The following KCNN2 variants were observed in gnomAD, a reference collection of about 807,000 sequenced individuals.
KCNN2 encodes potassium calcium-activated channel subfamily N member 2.
A neutral mutation model predicts 55.5 loss-of-function variants in KCNN2; 24 were observed. The observed-to-expected ratio is 0.43, with a 90% CI of 0.31 to 0.61. The LOEUF (loss-of-function observed/expected upper bound fraction) is 0.61, where lower values mean the gene tolerates loss of function less well. KCNN2 is among the 20% of genes least tolerant of loss of function. The pLI, the probability that KCNN2 is intolerant of heterozygous loss-of-function variation, is 0.08. For synonymous variants in KCNN2, 431 were observed against 336.1 expected, an observed-to-expected ratio of 1.28 and a Z score of -3.09; for missense variants, 754 against 853.6, an observed-to-expected ratio of 0.88 and a Z score of 1.45.
Position 114,362,895 on chromosome 5 carries a change from C to G in KCNN2, c.756C>G (p.Val252=), listed in dbSNP as rs755351182. The part of the protein sequence containing the change: ...EAQPLQPPAS[V]GGGGGASSPS... ...AGCCCCTGCAGCCCCCCGCGTCTGT[C>G]GGAGGAGGTGGCGGCGCGTCCTCCC... The change falls in exon 1 of 8, where the codon GTC becomes GTG. Residue 252 remains valine (V), a synonymous_variant. Transcript: ENST00000673685. 10 of 1,596,238 alleles carry G rather than the reference C, an allele frequency of 6.3e-6. No homozygotes were observed. Among genetic ancestry groups the G allele is most frequent in the East Asian group, 4.5e-5 (2 of 44,456 alleles).
At chr5:114,472,516 T>C (rs2150124136) in intron 4 of KCNN2, among the ~76,000 whole-genome samples, 1 of 151,038 alleles carries the variant, frequency 6.6e-6, no homozygotes, top group South Asian at 2.1e-4. Context: ...CACTGTGATC[T>C]TCCTGTTACG....
intron 2 of KCNN2, among the ~76,000 whole-genome samples, chr5:114,374,844 C>T (rs1295704221): frequency 1.3e-5 from 2 of 152,096 alleles, no homozygotes; most frequent in African/African-American, 4.8e-5. Flanking sequence ...ATATTCTGGG[C>T]ATTTTTGCCT....
At chr5:114,374,205 C>G (rs780690148) in intron 2 of KCNN2, among the ~76,000 whole-genome samples, 12 of 152,114 alleles carry the variant, frequency 7.9e-5, no homozygotes, top group Non-Finnish European at 1.6e-4. Context: ...AGCTGACTGC[C>G]TCTCCTCACC....
chr5:114,454,800 T>C (rs1486566440), intron 3 of KCNN2, among the ~76,000 whole-genome samples: 6 of 152,210 alleles, frequency 3.9e-5, no homozygotes, highest in Non-Finnish European at 7.3e-5. Context: ...TCAGTTCCCC[T>C]GGTTTTAGCT....
rs1757923418 is a variant in KCNN2 at position 114,375,981 on chromosome 5, TTTTTTTCCTTTAGC to T, written c.1218+11981_1218+11994del. Among the ~76,000 whole-genome samples the T allele has an allele frequency of 6.2e-5, 9 of 144,824 alleles. No individual in the cohort carries two copies. In the East Asian group the frequency reaches 8.5e-4, roughly 14 times the overall value. ...ATATATATATATATATATATATGTA[TTTTTTTCCTTTAGC>T]ATATCTATTTCACACAATCTCTTTT... On this transcript the variant is annotated intron_variant, in intron 2 of 7. Transcript: ENST00000673685.
chr5:114,263,943 A>G (rs1755160378), intron 2 of KCNN2, among the ~76,000 whole-genome samples: 1 of 152,200 alleles, frequency 6.6e-6, no homozygotes, highest in Non-Finnish European at 1.5e-5. Flanking sequence ...GAGCTGACCC[A>G]AATGCAAGCA....
At chr5:114,217,407 A>G (rs1410014130) in intron 1 of KCNN2, among the ~76,000 whole-genome samples, 1 of 152,140 alleles carries the variant, frequency 6.6e-6, no homozygotes, top group Non-Finnish European at 1.5e-5. Flanking sequence ...AAATACATCA[A>G]TGGAACATAC....
intron 2 of KCNN2, among the ~76,000 whole-genome samples, chr5:114,375,064 T>C (rs573102366): frequency 1.8e-4 from 28 of 152,288 alleles, no homozygotes; most frequent in African/African-American, 6.5e-4. Flanking sequence ...AATACTATAG[T>C]ATGCTTATCA....
chr5:114,126,327 A>C (rs1327138502), intron 1 of KCNN2, among the ~76,000 whole-genome samples: 1 of 152,144 alleles, frequency 6.6e-6, no homozygotes, highest in Non-Finnish European at 1.5e-5. Context: ...TAATTGACTC[A>C]CAGTTCAGCA....
intron 2 of KCNN2, among the ~76,000 whole-genome samples, chr5:114,330,076 G>A (rs1756786975): frequency 6.6e-6 from 1 of 152,194 alleles, no homozygotes; most frequent in Non-Finnish European, 1.5e-5. Context: ...GTTACAGAAT[G>A]TGTTGAAATA....
chr5:114,180,269 CACT>C, intron 1 of KCNN2, among the ~76,000 whole-genome samples: 1 of 152,228 alleles, frequency 6.6e-6, no homozygotes, highest in African/African-American at 2.4e-5. Context: ...GAACTTCAGT[CACT>C]ACTACCGAGT....
At chr5:114,145,911 A>AT (rs1001853741) in intron 1 of KCNN2, among the ~76,000 whole-genome samples, 9 of 151,356 alleles carry the variant, frequency 5.9e-5, no homozygotes, top group Admixed American at 1.3e-4. Context: ...TAGCGTGGTT[A>AT]TTTTTTTTCT....
At chr5:114,208,373 C>A (rs1052632371) in intron 1 of KCNN2, among the ~76,000 whole-genome samples, 6 of 152,148 alleles carry the variant, frequency 3.9e-5, no homozygotes, top group African/African-American at 1.4e-4. Flanking sequence ...GGAATAGAGG[C>A]CACTATGTGG....
intron 2 of KCNN2, among the ~76,000 whole-genome samples, chr5:114,401,761 A>G (rs190430185): frequency 3.3e-4 from 50 of 152,326 alleles, no homozygotes; most frequent in Middle Eastern, 3.4e-3. Flanking sequence ...ACGAAGACCC[A>G]GAAGCATGAT....
intron 2 of KCNN2, among the ~76,000 whole-genome samples, chr5:114,319,476 A>G (rs1354901344): frequency 6.6e-6 from 1 of 152,212 alleles, no homozygotes; most frequent in Non-Finnish European, 1.5e-5. Flanking sequence ...TGTCATATAT[A>G]GCAATTTAGA....
intron 2 of KCNN2, among the ~76,000 whole-genome samples, chr5:114,257,759 G>C (rs114801063): frequency 0.029 from 4,352 of 152,158 alleles, 211 homozygotes; most frequent in African/African-American, 0.099. Context: ...GAGGAGTCTT[G>C]AGGGTTTTCT....
At chr5:114,363,312 T>G (rs1380705225) in intron 1 of KCNN2, 51 bp downstream of exon 1, 1 of 1,509,198 alleles carries the variant, frequency 6.6e-7, no homozygotes, top group South Asian at 1.3e-5. Context: ...ACTGGGTGGT[T>G]GGGATGGGCA....
chr5:114,493,327 T>C (rs756214933), intron 6 of KCNN2, 76 bp from the exon 7 acceptor site: 2 of 907,770 alleles, frequency 2.2e-6, no homozygotes, highest in Non-Finnish European at 3.7e-6. Context: ...TTGTCAATTT[T>C]GTGCATGCTC....
chr5:114,453,744 C>T (rs192150224), intron 3 of KCNN2, among the ~76,000 whole-genome samples: 46 of 152,204 alleles, frequency 3.0e-4, no homozygotes, highest in South Asian at 2.5e-3. Flanking sequence ...AACTGCATTA[C>T]GGTTACTTTT....
Sources: allele counts gnomAD v4.1 joint callset (sites outside exome capture counted in the v4.1 genomes callset), GRCh38; gene constraint gnomAD v4.1.1; transcripts MANE v1.5; gene names NCBI Gene and HGNC (gene_info 2026-07-23, HGNC 2026-07-21).